Variants in USH2A observed in about 807,000 individuals in gnomAD.
The protein encoded by USH2A is Usher syndrome 2A (autosomal recessive, mild).
A neutral mutation model predicts 538.9 loss-of-function variants in USH2A; 443 were observed. The observed-to-expected ratio is 0.82, with a 90% CI of 0.76 to 0.89. The LOEUF is 0.89. Among genes scored for constraint, USH2A ranks in the 40% least tolerant of loss-of-function variants. The pLI is 0.00. For synonymous variants in USH2A, 2,413 were observed against 2,273.5 expected (o/e 1.06, Z -1.75); for missense variants, 6,633 against 6,324.8 (o/e 1.05, Z -1.65).
intron 20 of USH2A, among the ~76,000 whole-genome samples, chr1:216,189,709 C>T (rs958952388): frequency 2.0e-5 from 3 of 151,702 alleles, no homozygotes; most frequent in Non-Finnish European, 4.4e-5. Context: ...AATATAACAC[C>T]AGGCCACACA....
chr1:215,968,809 C>A (rs569013697), intron 36 of USH2A, among the ~76,000 whole-genome samples: 1 of 152,022 alleles, frequency 6.6e-6, no homozygotes, highest in Admixed American at 6.6e-5. Context: ...GTCATAGCAT[C>A]GGGCTCTATT....
intron 61 of USH2A, among the ~76,000 whole-genome samples, chr1:215,691,394 A>G (rs974262655): frequency 6.6e-6 from 1 of 151,976 alleles, no homozygotes; most frequent in Non-Finnish European, 1.5e-5. Context: ...CTGCAGCCAC[A>G]CTAGTCTTGT....
intron 32 of USH2A, among the ~76,000 whole-genome samples, chr1:216,011,279 C>A (rs559705418): frequency 6.6e-6 from 1 of 152,090 alleles, no homozygotes; most frequent in Non-Finnish European, 1.5e-5. Flanking sequence ...TCCTTTGCAC[C>A]CGTCATCCCA....
chr1:215,644,723 C>T (rs1439963237), intron 67 of USH2A, among the ~76,000 whole-genome samples: 1 of 152,062 alleles, frequency 6.6e-6, no homozygotes, highest in African/African-American at 2.4e-5. Context: ...AGTATGGAGG[C>T]CAAAGGCAAA....
At chr1:216,020,188 A>G (rs186830838) in intron 32 of USH2A, among the ~76,000 whole-genome samples, 1 of 152,340 alleles carries the variant, frequency 6.6e-6, no homozygotes, top group Admixed American at 6.5e-5. Context: ...GATTTTAAAT[A>G]AAATAATACA....
intron 37 of USH2A, among the ~76,000 whole-genome samples, chr1:215,951,075 T>A (rs1361187997): frequency 2.0e-5 from 3 of 152,184 alleles, no homozygotes; most frequent in African/African-American, 7.2e-5. Flanking sequence ...CTGATCTTAG[T>A]TATTTCTTGC....
At chr1:215,630,341 C>T (rs1656221818) in intron 70 of USH2A, 1 of 448,934 alleles carries the variant, frequency 2.2e-6, no homozygotes, top group Non-Finnish European at 4.5e-6. Flanking sequence ...ACAGCATTAT[C>T]ATACCCATAT....
At chr1:216,388,743 A>G (rs1448494342) in intron 3 of USH2A, among the ~76,000 whole-genome samples, 1 of 152,228 alleles carries the variant, frequency 6.6e-6, no homozygotes, top group Non-Finnish European at 1.5e-5. Context: ...TATCTGCATA[A>G]CACTCAGCAG....
intron 23 of USH2A, chr1:216,087,048 C>G (rs2032156550): frequency 2.0e-6 from 1 of 489,062 alleles, no homozygotes; most frequent in Non-Finnish European, 3.8e-6. Flanking sequence ...CTTTCTCTAC[C>G]CATAGGCACC....
At chr1:215,733,209 G>T (rs1377270669) in intron 60 of USH2A, among the ~76,000 whole-genome samples, 1 of 134,130 alleles carries the variant, frequency 7.5e-6, no homozygotes, top group Non-Finnish European at 1.5e-5. Context: ...GGGGGGCGGG[G>T]GGCGGGTGGA....
intron 30 of USH2A, among the ~76,000 whole-genome samples, chr1:216,067,525 T>C (rs1386283818): frequency 1.4e-5 from 2 of 145,456 alleles, no homozygotes; most frequent in African/African-American, 5.1e-5. Context: ...ATGAAAAAGA[T>C]GAAGGTAAGT....
At chr1:215,639,080 T>C (rs900110437) in intron 69 of USH2A, 75 bp downstream of exon 69, 72 of 1,350,110 alleles carry the variant, frequency 5.3e-5, no homozygotes, top group Non-Finnish European at 6.9e-5. Context: ...ACTCCAAGTA[T>C]GTATAAACAA....
At position 216,256,427 on chromosome 1, in the gene USH2A, G is replaced by C. The variant is rs142287929; in HGVS notation, c.1972-5329C>G. ...AACTCTTTGTTTTATGATTTTAGTG[G>C]TTTTTATCCTACATCTTTATCACAG... On this transcript the variant is annotated intron_variant, in intron 11 of 71. Transcript: ENST00000307340. 3.3e-3 allele frequency among the ~76,000 whole-genome samples: 498 copies of C among 150,778 alleles called. 3 individuals carry two copies. Among genetic ancestry groups the C allele is most frequent in the African/African-American group, 0.012 (484 of 41,130 alleles).
intron 35 of USH2A, among the ~76,000 whole-genome samples, chr1:215,985,172 G>C (rs993551321): frequency 3.3e-5 from 5 of 152,062 alleles, no homozygotes. Flanking sequence ...ATCACATTTT[G>C]ACCATTTAAA....
chr1:215,640,018 G>A (rs1386099144), intron 68 of USH2A, among the ~76,000 whole-genome samples: 2 of 152,062 alleles, frequency 1.3e-5, no homozygotes, highest in African/African-American at 2.4e-5. Flanking sequence ...TTAAAAACAA[G>A]GCAAGGAGAA....
chr1:216,094,023 T>C (rs892647017), intron 22 of USH2A, among the ~76,000 whole-genome samples: 2 of 152,196 alleles, frequency 1.3e-5, no homozygotes, highest in African/African-American at 4.8e-5. Context: ...TCACTTTGTA[T>C]ACTTTAAAGC....
chr1:216,260,278 G>T (rs879842653), intron 11 of USH2A, among the ~76,000 whole-genome samples: 1 of 152,116 alleles, frequency 6.6e-6, no homozygotes, highest in Non-Finnish European at 1.5e-5. Context: ...AATCAGAGAA[G>T]TTACAGCTTG....
chr1:216,150,715 C>T (rs898765926), intron 21 of USH2A, among the ~76,000 whole-genome samples: 45 of 152,124 alleles, frequency 3.0e-4, no homozygotes, highest in African/African-American at 6.8e-4. Context: ...AAACCTTTCT[C>T]CTTATATTAA....
intron 64 of USH2A, among the ~76,000 whole-genome samples, chr1:215,657,687 G>A (rs149909257): frequency 2.6e-5 from 4 of 152,230 alleles, no homozygotes; most frequent in African/African-American, 9.6e-5. Context: ...TGGGACCCAG[G>A]GGAAGAGGGT....
Sources: gnomAD v4.1 joint callset for allele counts (sites outside exome capture counted in the v4.1 genomes callset) on GRCh38, gnomAD v4.1.1 for gene constraint, MANE v1.5 for transcripts, NCBI Gene and HGNC (gene_info 2026-07-23, HGNC 2026-07-21) for gene names.